The following FRMD4B variants were observed in gnomAD, a reference collection of about 807,000 sequenced individuals.
The protein encoded by FRMD4B is FERM domain containing 4B, also known as FERM domain-containing protein 4B.
Under a neutral mutation model 141.5 loss-of-function variants are expected in FRMD4B, and 74 were observed. The ratio of observed to expected loss-of-function variants is 0.52; its 90% CI spans 0.43 to 0.63. FRMD4B has a LOEUF of 0.63. FRMD4B is among the 30% of genes least tolerant of loss of function. The pLI, the probability that FRMD4B is intolerant of heterozygous loss-of-function variation, is 0.00. For synonymous variants in FRMD4B, 506 were observed against 467.9 expected (o/e 1.08, Z -1.05); for missense variants, 1,366 against 1,253.4 (o/e 1.09, Z -1.36).
At chr3:69,185,217 C>T (rs555292852) in intron 19 of FRMD4B, among the ~76,000 whole-genome samples, 5 of 149,584 alleles carry the variant, frequency 3.3e-5, no homozygotes, top group African/African-American at 9.8e-5. Context: ...AGGAGAATGG[C>T]GTGAACCTGG....
intron 7 of FRMD4B, chr3:69,228,344 C>T: frequency 2.2e-6 from 1 of 456,864 alleles, no homozygotes; most frequent in Non-Finnish European, 4.4e-6. Flanking sequence ...ATGCAAATAT[C>T]TTGGGGCCAA....
intron 5 of FRMD4B, among the ~76,000 whole-genome samples, chr3:69,259,910 G>C (rs566395418): frequency 6.6e-6 from 1 of 152,322 alleles, no homozygotes; most frequent in African/African-American, 2.4e-5. Flanking sequence ...TTTGGCCACA[G>C]CCTCCTGAGT....
At chr3:69,277,748 T>C (rs371438787) in intron 5 of FRMD4B, among the ~76,000 whole-genome samples, 3 of 152,224 alleles carry the variant, frequency 2.0e-5, no homozygotes, top group East Asian at 3.9e-4. Context: ...GCCAGGATGG[T>C]ATCAATCTCC....
intron 2 of FRMD4B, among the ~76,000 whole-genome samples, chr3:69,410,254 C>G (rs1234740308): frequency 6.6e-6 from 1 of 152,182 alleles, no homozygotes; most frequent in African/African-American, 2.4e-5. Flanking sequence ...GTTCCAAAAG[C>G]AGGTCCGATA....
chr3:69,239,245 C>A (rs1031054578), intron 7 of FRMD4B, among the ~76,000 whole-genome samples: 8 of 152,150 alleles, frequency 5.3e-5, no homozygotes, highest in Non-Finnish European at 8.8e-5. Context: ...AGCATTCTAC[C>A]AAAGATGCAT....
chr3:69,384,600 T>C (rs1258633736), intron 1 of FRMD4B, among the ~76,000 whole-genome samples: 2 of 152,212 alleles, frequency 1.3e-5, no homozygotes, highest in Non-Finnish European at 2.9e-5. Flanking sequence ...AACTCCCACA[T>C]GCTGCCCTGG....
chr3:69,206,214 G>A (rs933382766), intron 11 of FRMD4B, among the ~76,000 whole-genome samples: 1 of 152,070 alleles, frequency 6.6e-6, no homozygotes, highest in Non-Finnish European at 1.5e-5. Context: ...GCCAGGCGTG[G>A]TGACATGCAC....
At chr3:69,275,321 A>C (rs2093612742) in intron 5 of FRMD4B, among the ~76,000 whole-genome samples, 1 of 152,228 alleles carries the variant, frequency 6.6e-6, no homozygotes, top group Non-Finnish European at 1.5e-5. Flanking sequence ...TTGCTGTTCT[A>C]GATAAGGCAA....
intron 7 of FRMD4B, among the ~76,000 whole-genome samples, chr3:69,234,179 A>C (rs1328615934): frequency 2.7e-5 from 4 of 149,996 alleles, no homozygotes; most frequent in African/African-American, 9.8e-5. Context: ...TGGGAGGTGG[A>C]GGCTGCAGTG....
intron 1 of FRMD4B, among the ~76,000 whole-genome samples, chr3:69,336,737 C>G (rs1444021747): frequency 6.6e-6 from 1 of 152,094 alleles, no homozygotes; most frequent in Non-Finnish European, 1.5e-5. Context: ...CACATGAGGT[C>G]AGGAGTTCGA....
chr3:69,447,574 G>A (rs982682655), intron 1 of FRMD4B, among the ~76,000 whole-genome samples: 1 of 152,114 alleles, frequency 6.6e-6, no homozygotes, highest in Admixed American at 6.5e-5. Context: ...ATAAATTCAG[G>A]AGATACATGG....
At chr3:69,445,801 A>G (rs1445271927) in intron 1 of FRMD4B, among the ~76,000 whole-genome samples, 1 of 152,196 alleles carries the variant, frequency 6.6e-6, no homozygotes, top group African/African-American at 2.4e-5. Flanking sequence ...TATCCTAAAT[A>G]GTATTAAGCT....
intron 1 of FRMD4B, among the ~76,000 whole-genome samples, chr3:69,531,627 T>C (rs1168433578): frequency 1.3e-5 from 2 of 152,350 alleles, no homozygotes; most frequent in East Asian, 3.9e-4. Flanking sequence ...CATCATTTAG[T>C]GAAAGCATCT....
chr3:69,458,676 A>G (rs565749813), intron 1 of FRMD4B, among the ~76,000 whole-genome samples: 1 of 152,288 alleles, frequency 6.6e-6, no homozygotes, highest in South Asian at 2.1e-4. Context: ...CCTTCAGGGT[A>G]TTAATTACTG....
At chr3:69,372,429 C>T (rs746819080) in intron 1 of FRMD4B, among the ~76,000 whole-genome samples, 2 of 152,208 alleles carry the variant, frequency 1.3e-5, no homozygotes, top group Admixed American at 6.5e-5. Context: ...CTTTGGGAGG[C>T]TGAAGTGGGC....
intron 7 of FRMD4B, among the ~76,000 whole-genome samples, chr3:69,242,604 A>G (rs1253024936): frequency 7.2e-6 from 1 of 139,098 alleles, no homozygotes; most frequent in African/African-American, 2.7e-5. Context: ...CCCAGCACTG[A>G]ATTGCAAAAT....
At chr3:69,478,472 C>A (rs987310905) in intron 1 of FRMD4B, among the ~76,000 whole-genome samples, 8 of 152,196 alleles carry the variant, frequency 5.3e-5, no homozygotes, top group African/African-American at 1.9e-4. Flanking sequence ...ACCCAGTAGT[C>A]ATTCAGGAGC....
intron 1 of FRMD4B, among the ~76,000 whole-genome samples, chr3:69,458,247 A>G (rs1705649598): frequency 6.6e-6 from 1 of 152,228 alleles, no homozygotes; most frequent in Non-Finnish European, 1.5e-5. Flanking sequence ...TGCTCATTAT[A>G]TGACTATTGA....
intron 1 of FRMD4B, among the ~76,000 whole-genome samples, chr3:69,491,681 A>G (rs1706303175): frequency 6.6e-6 from 1 of 152,212 alleles, no homozygotes; most frequent in African/African-American, 2.4e-5. Flanking sequence ...CACACAGTCA[A>G]TCAATAAAAT....
Sources: allele counts gnomAD v4.1 joint callset (sites outside exome capture counted in the v4.1 genomes callset), GRCh38; gene constraint gnomAD v4.1.1; transcripts MANE v1.5; gene names NCBI Gene and HGNC (gene_info 2026-07-23, HGNC 2026-07-21).